The following GALNS variants were observed in gnomAD, a reference collection of about 807,000 sequenced individuals.
GALNS encodes the protein galactosamine (N-acetyl)-6-sulfatase.
In GALNS, 65 loss-of-function variants were observed where a neutral mutation model predicts 65.9. The ratio of observed to expected loss-of-function variants is 0.99; its 90% CI spans 0.81 to 1.21. The LOEUF is 1.21. Ranked by LOEUF, GALNS falls within the 50% of genes most tolerant of loss-of-function variation. The pLI is 0.00. For synonymous variants in GALNS, 346 were observed against 288.9 expected, an observed-to-expected ratio of 1.20 and a Z score of -2.00; for missense variants, 776 against 700.7, an observed-to-expected ratio of 1.11 and a Z score of -1.21.
intron 1 of GALNS, chr16:88,843,403 C>T: frequency 2.6e-6 from 1 of 383,766 alleles, no homozygotes; most frequent in Non-Finnish European, 4.9e-6. Flanking sequence ...CAGCACGACT[C>T]AGTGGCCAAA....
In GALNS at chr16:88,856,912, AGCCGACCTAGCGAGCGTCC is replaced by A; in HGVS notation, c.-54_-36del. 3.3e-6 allele frequency: 5 copies of A among 1,495,762 alleles called. No individual in the cohort carries two copies. The highest frequency in any genetic ancestry group is 4.4e-6 in the Non-Finnish European group (5 of 1,130,984). The allele number at this position is 1,495,762 out of a possible 1,614,324, so 92.7% of individuals were successfully genotyped here. On this transcript the variant is annotated 5_prime_UTR_variant, in exon 1 of 14. Coordinates refer to ENST00000268695, the MANE Select transcript of GALNS (RefSeq NM_000512.5). ...GGGAGCCGCGGAGCCCCGGCCAGCG[AGCCGACCTAGCGAGCGTCC>A]GCCGGCCCTTCCGGCTGGGCTGCGG... is the stretch of plus-strand genomic sequence containing the variant.
chr16:88,814,547 A>G (rs1235932754), intron 13 of GALNS, 22 bp from the exon 14 acceptor site: 2 of 1,551,346 alleles, frequency 1.3e-6, no homozygotes, highest in East Asian at 2.4e-5. Flanking sequence ...AAATTGAGAA[A>G]AAGAACATGC....
At chr16:88,841,296 C>T (rs900024454) in intron 3 of GALNS, among the ~76,000 whole-genome samples, 13 of 152,196 alleles carry the variant, frequency 8.5e-5, no homozygotes, top group African/African-American at 2.9e-4. Context: ...GAGCCAGTGC[C>T]ATCACCAGAG....
chr16:88,837,151 G>C (rs924664417), intron 5 of GALNS, among the ~76,000 whole-genome samples: 7 of 152,210 alleles, frequency 4.6e-5, no homozygotes, highest in African/African-American at 1.7e-4. Flanking sequence ...GCACTGCCGT[G>C]TCAAGAGGTG....
intron 1 of GALNS, among the ~76,000 whole-genome samples, chr16:88,848,595 G>A (rs1313219458): frequency 6.6e-6 from 1 of 151,248 alleles, no homozygotes. Context: ...AAGGAAGTGC[G>A]GGCATCCTGG....
At chr16:88,821,507 C>T (rs1910215197) in intron 12 of GALNS, among the ~76,000 whole-genome samples, 2 of 152,348 alleles carry the variant, frequency 1.3e-5, no homozygotes, top group South Asian at 2.1e-4. Flanking sequence ...CAGTCACCAT[C>T]CTGGGCTTCT....
chr16:88,825,621 G>A (rs992295087), intron 10 of GALNS, among the ~76,000 whole-genome samples: 50 of 151,724 alleles, frequency 3.3e-4, no homozygotes, highest in Middle Eastern at 3.4e-3. Context: ...CTGGGCGGCC[G>A]GGGCTAGGGT....
intron 9 of GALNS, among the ~76,000 whole-genome samples, chr16:88,827,479 T>A (rs1048167562): frequency 1.3e-5 from 2 of 152,150 alleles, no homozygotes; most frequent in Non-Finnish European, 2.9e-5. Flanking sequence ...GGAGTTTTGT[T>A]CTTGTCACCC....
Position 88,841,037 on chromosome 16 carries a change from TCC to T in GALNS, c.375_376del (p.Glu126AlafsTer31). ...GACGTAGCCGGCCTTCTTCAGAAGCTCCGGCAGGAGCTGCTCCGAGTCTGGGA... is the reference window on the plus strand; with the variant it reads ...GACGTAGCCGGCCTTCTTCAGAAGCTGGCAGGAGCTGCTCCGAGTCTGGGA... On this transcript the variant is annotated frameshift_variant, in exon 4 of 14. Transcript: ENST00000268695. LOFTEE classifies it high-confidence loss of function. 1 of 1,613,162 alleles carries T rather than the reference TCC, an allele frequency of 6.2e-7. No individual in the cohort carries two copies. Among genetic ancestry groups the T allele is most frequent in the African/African-American group, 1.3e-5 (1 of 75,010 alleles).
At chr16:88,854,753 G>A (rs553356591) in intron 1 of GALNS, among the ~76,000 whole-genome samples, 17 of 152,356 alleles carry the variant, frequency 1.1e-4, no homozygotes, top group South Asian at 2.1e-4. Context: ...GGGGAAACTC[G>A]CCAGGCGGCC....
intron 9 of GALNS, among the ~76,000 whole-genome samples, chr16:88,828,555 T>C (rs1212103480): frequency 2.6e-5 from 4 of 152,230 alleles, no homozygotes; most frequent in Admixed American, 6.5e-5. Flanking sequence ...ACAGGCCTGA[T>C]GCCATCGAAT....
intron 12 of GALNS, among the ~76,000 whole-genome samples, 183 bp from the exon 13 acceptor site, chr16:88,818,307 G>C (rs753086348): frequency 6.6e-6 from 1 of 152,162 alleles, no homozygotes; most frequent in African/African-American, 2.4e-5. Flanking sequence ...GCAGGCACCC[G>C]AGCCATCCTC....
At chr16:88,832,133 G>C in intron 8 of GALNS, 32 bp from the exon 9 acceptor site, 2 of 1,580,034 alleles carry the variant, frequency 1.3e-6, no homozygotes, top group Admixed American at 1.7e-5. Context: ...CAGGCCACTG[G>C]GACCAGATGT....
At chr16:88,852,683 G>C (rs56306938) in intron 1 of GALNS, among the ~76,000 whole-genome samples, 2,942 of 152,312 alleles carry the variant, frequency 0.019, 88 homozygotes, top group African/African-American at 0.067. Flanking sequence ...GTGTAGAGAA[G>C]ACCTTAGATG....
rs189368514 is a variant in GALNS at position 88,840,554 on chromosome 16, C to T, written c.422+438G>A. 586 of 311,176 alleles carry T rather than the reference C, an allele frequency of 1.9e-3. 2 individuals carry two copies. Among genetic ancestry groups the T allele is most frequent in the African/African-American group, 0.012 (555 of 46,156 alleles). The allele number at this position is 311,176 out of a possible 1,614,324, so 19.3% of individuals were successfully genotyped here. A position where few individuals can be genotyped will look rare whatever the true frequency, so the allele number is the denominator to read the frequency against. ...CAACTGCTAGGCTGTTACTCTCCTT[C>T]CTGGTGGCTTCTTTGTGGTTTAGAC... On this transcript the variant is annotated intron_variant, in intron 4 of 13. Coordinates refer to ENST00000268695, the MANE Select transcript of GALNS (RefSeq NM_000512.5).
rs1417420094 is a variant in GALNS, at chr16:88,817,394, G to A, written c.1482+613C>T. ...AAGGCCTGGTCTTGTCAGGCTGCAC[G>A]GAGGTGCTGCTCTGGGTGGGTGCCT... On this transcript the variant is annotated intron_variant, in intron 13 of 13. Coordinates refer to ENST00000268695, the MANE Select transcript of GALNS (RefSeq NM_000512.5). 5.1e-6 allele frequency: 5 copies of A among 985,304 alleles called. No homozygotes were observed. The African/African-American group carries it at 5.2e-5, about 10-fold the overall frequency. 61.0% of individuals were successfully genotyped at this position (985,304 alleles called of 1,614,324 possible).
Position 88,842,138 on chromosome 16 carries a change from G to C in GALNS, c.245-167C>G. On this transcript the variant is annotated intron_variant, in intron 2 of 13. Coordinates refer to ENST00000268695, the MANE Select transcript of GALNS (RefSeq NM_000512.5). ...TCCCCGTTAGCGTCTCCACCACCTGGGTGGGGCACGGCACCCATTCCACTG... is the reference window on the plus strand; with the variant it reads ...TCCCCGTTAGCGTCTCCACCACCTGCGTGGGGCACGGCACCCATTCCACTG... 7.0e-6 allele frequency: 5 copies of C among 710,956 alleles called. No individual in the cohort carries two copies. In the South Asian group the frequency reaches 7.6e-5, roughly 11 times the overall value. 44.0% of individuals were successfully genotyped at this position (710,956 alleles called of 1,614,324 possible).
intron 13 of GALNS, chr16:88,815,904 C>G: frequency 1.0e-6 from 1 of 985,428 alleles, no homozygotes; most frequent in Non-Finnish European, 1.2e-6. Context: ...GTCCCAGAAG[C>G]AGGGGTCCAG....
intron 12 of GALNS, among the ~76,000 whole-genome samples, chr16:88,819,475 G>A (rs1003265970): frequency 1.2e-4 from 19 of 152,240 alleles, no homozygotes; most frequent in Non-Finnish European, 2.6e-4. Flanking sequence ...TGAACTGCAC[G>A]TGCACTTTCT....
Sources: gnomAD v4.1 joint callset for allele counts (sites outside exome capture counted in the v4.1 genomes callset) on GRCh38, gnomAD v4.1.1 for gene constraint, MANE v1.5 for transcripts, NCBI Gene and HGNC (gene_info 2026-07-23, HGNC 2026-07-21) for gene names.